Variants in USP38 observed in about 807,000 individuals in gnomAD.
The protein encoded by USP38 is ubiquitin specific peptidase 38.
USP38 carries 49 observed loss-of-function variants against 94.3 expected under a neutral mutation model. The observed-to-expected ratio is 0.52, with a 90% CI of 0.41 to 0.66. The LOEUF is 0.66. Among genes scored for constraint, USP38 ranks in the 30% least tolerant of loss-of-function variants. USP38 has a pLI of 0.00. For missense variants in USP38, 1,128 were observed against 1,229.4 expected (o/e 0.92, Z 1.23); for synonymous variants, 468 against 463.6 (o/e 1.01, Z -0.12).
At position 143,185,523 on chromosome 4, in the gene USP38, G is replaced by A. The variant is rs774711600; in HGVS notation, c.73G>A (p.Val25Met). ...CCTCAAGCGGGTGATTGTGCGGAAGGTGGTGGAATCGGCGGAGCACTGGCT... is the reference window on the plus strand; with the variant it reads ...CCTCAAGCGGGTGATTGTGCGGAAGATGGTGGAATCGGCGGAGCACTGGCT... ...LPLKRVIVRKVVESAEHWLDE... is the reference protein window; with the variant it reads ...LPLKRVIVRKMVESAEHWLDE... The change falls in exon 1 of 10, where the codon GTG (valine) becomes ATG (methionine). Residue 25 changes from valine (V) to methionine (M), a missense_variant. Coordinates refer to ENST00000307017, the MANE Select transcript of USP38 (RefSeq NM_032557.6). The A allele has an allele frequency of 6.2e-7, 1 of 1,613,272 alleles. No homozygotes were observed. Among genetic ancestry groups the A allele is most frequent in the Admixed American group, 1.7e-5 (1 of 59,960 alleles).
chr4:143,206,781 G>A (rs556518909), intron 6 of USP38, among the ~76,000 whole-genome samples: 87 of 152,304 alleles, frequency 5.7e-4, no homozygotes, highest in African/African-American at 2.0e-3. Context: ...GTTTAAGTGT[G>A]CTAGAGTACT....
Position 143,214,398 on chromosome 4 carries a change from T to C in USP38, c.2422T>C (p.Ser808Pro), listed in dbSNP as rs767533922. 6.2e-7 allele frequency: 1 copy of C among 1,613,804 alleles called. No homozygotes were observed. Among genetic ancestry groups the C allele is most frequent in the African/African-American group, 1.3e-5 (1 of 75,036 alleles). Residue 808 changes from serine to proline, a missense_variant, in exon 9 of 10, where the codon TCT becomes CCT. By Grantham distance (74) the Ser-to-Pro change is moderately conservative. Transcript: ENST00000307017. ...TTTCTCTTCATTGTCAGAAAGTTGGTCTGTAGATGTTGACTTCACTGATCT... is the reference window on the plus strand; with the variant it reads ...TTTCTCTTCATTGTCAGAAAGTTGGCCTGTAGATGTTGACTTCACTGATCT... ...TSFSSLSESW[S>P]VDVDFTDLSE...
At position 143,213,973 on chromosome 4, in the gene USP38, C is replaced by T. The variant is rs142925072; in HGVS notation, c.1997C>T (p.Ala666Val). 1 of 1,613,516 alleles carries T rather than the reference C, an allele frequency of 6.2e-7. No homozygotes were observed. The highest frequency in any genetic ancestry group is 1.3e-5 in the African/African-American group (1 of 74,890). ...GTAGTTTATAATCCAACAACAGCTG[C>T]CTTCATCTGTGACTCACTTGTGAAT... ...EPVVYNPTTAAFICDSLVNEK... is the reference protein window; with the variant it reads ...EPVVYNPTTAVFICDSLVNEK... Residue 666 changes from alanine (A) to valine (V), a missense_variant, in exon 9 of 10, where the codon GCC (alanine) becomes GTC (valine). Ala to Val is a moderately conservative substitution (Grantham distance 64). Coordinates refer to ENST00000307017, the MANE Select transcript of USP38 (RefSeq NM_032557.6).
At chr4:143,189,584 A>G (rs969387806) in intron 2 of USP38, among the ~76,000 whole-genome samples, 4 of 152,006 alleles carry the variant, frequency 2.6e-5, no homozygotes, top group African/African-American at 9.7e-5. Context: ...TTCATTGTTT[A>G]AAAAGGTCTT....
chr4:143,203,328 G>C (rs560147899), intron 4 of USP38, 80 bp from the exon 5 acceptor site: 1 of 1,384,152 alleles, frequency 7.2e-7, no homozygotes, highest in Non-Finnish European at 9.9e-7. Context: ...ATCATATATC[G>C]TTTGTGTTCT....
chr4:143,193,440 G>C (rs1731458401), intron 2 of USP38, among the ~76,000 whole-genome samples: 1 of 152,166 alleles, frequency 6.6e-6, no homozygotes, highest in South Asian at 2.1e-4. Flanking sequence ...ACATATGCAA[G>C]TGTGTCTCTG....
At chr4:143,197,681 A>G in intron 3 of USP38, 142 bp from the exon 4 acceptor site, 1 of 586,564 alleles carries the variant, frequency 1.7e-6, no homozygotes, top group Non-Finnish European at 3.0e-6. Flanking sequence ...CCTTCTCCCA[A>G]AGTTTAATAA....
intron 2 of USP38, among the ~76,000 whole-genome samples, chr4:143,193,119 C>CGGTAT (rs1373599364): frequency 6.6e-6 from 1 of 152,022 alleles, no homozygotes; most frequent in Non-Finnish European, 1.5e-5. Flanking sequence ...TCACACATAC[C>CGGTAT]CTGCCTTTAG....
Position 143,220,110 on chromosome 4 carries a change from AGT to A in USP38, c.2968-182_2968-181del, listed in dbSNP as rs563635865. 1.9e-4 allele frequency among the ~76,000 whole-genome samples: 29 copies of A among 152,160 alleles called. No individual in the cohort carries two copies. In the East Asian group the frequency reaches 5.6e-3, roughly 29 times the overall value. ...GAATCTATTCCAGTATGTTTTAGAGAGTGTTGCAGGAACTGTAATATTTTCTT... is the reference window on the plus strand; with the variant it reads ...GAATCTATTCCAGTATGTTTTAGAGAGTTGCAGGAACTGTAATATTTTCTT... On this transcript the variant is annotated intron_variant, in intron 9 of 9. Transcript: ENST00000307017.
intron 5 of USP38, 47 bp from the exon 6 acceptor site, chr4:143,205,986 A>ATTT (rs1355525233): frequency 3.7e-6 from 5 of 1,357,264 alleles, no homozygotes; most frequent in Non-Finnish European, 4.9e-6. Context: ...CAACAAAAAT[A>ATTT]ATTTTTACTT....
At chr4:143,220,074 A>G (rs760998095) in intron 9 of USP38, among the ~76,000 whole-genome samples, 8 of 152,186 alleles carry the variant, frequency 5.3e-5, no homozygotes, top group Non-Finnish European at 5.9e-5. Flanking sequence ...TATGTTAAAT[A>G]TATTAGAAAA....
chr4:143,199,023 G>A (rs1731633682), intron 4 of USP38, among the ~76,000 whole-genome samples: 1 of 152,012 alleles, frequency 6.6e-6, no homozygotes, highest in Admixed American at 6.6e-5. Flanking sequence ...AAACATGAAA[G>A]TTTGTTACAT....
At chr4:143,208,483 C>T (rs1731932815) in intron 6 of USP38, among the ~76,000 whole-genome samples, 1 of 152,016 alleles carries the variant, frequency 6.6e-6, no homozygotes, top group African/African-American at 2.4e-5. Flanking sequence ...GTACCTAGAA[C>T]CTGTACCTTT....
chr4:143,213,616 C>A lies in USP38; in HGVS notation c.1640C>A (p.Ala547Asp), dbSNP rs778164520. 4.3e-6 allele frequency: 7 copies of A among 1,612,116 alleles called. No homozygotes were observed. The highest frequency in any genetic ancestry group is 1.1e-5 in the South Asian group (1 of 90,722). Residue 547 changes from alanine (A) to aspartate (D), a missense_variant, in exon 9 of 10, where the codon GCC becomes GAC. Ala to Asp is a moderately radical substitution (Grantham distance 126). Transcript: ENST00000307017. Reference sequence around the variant, plus strand: ...GAAGAAAAGATCTTGAAAGTTCAGGCCTCACACAAGCCTTCTGAAATTCTG... The same window carrying A: ...GAAGAAAAGATCTTGAAAGTTCAGGACTCACACAAGCCTTCTGAAATTCTG... ...HEEEKILKVQ[A>D]SHKPSEILEC... is the part of the protein sequence containing the mutation.
chr4:143,218,974 C>A (rs1355623882), intron 9 of USP38, among the ~76,000 whole-genome samples: 1 of 151,860 alleles, frequency 6.6e-6, no homozygotes, highest in Non-Finnish European at 1.5e-5. Flanking sequence ...ATTTATAATT[C>A]CTACGTTAAT....
At chr4:143,209,250 T>C (rs1731957108) in intron 6 of USP38, among the ~76,000 whole-genome samples, 2 of 152,176 alleles carry the variant, frequency 1.3e-5, no homozygotes, top group East Asian at 1.9e-4. Context: ...TACTGTTAGA[T>C]AGATAACTTC....
intron 4 of USP38, among the ~76,000 whole-genome samples, chr4:143,201,492 G>C (rs564424501): frequency 2.0e-5 from 3 of 152,260 alleles, no homozygotes; most frequent in African/African-American, 7.2e-5. Flanking sequence ...TGGGTAATGT[G>C]GTAGTTAAAT....
At chr4:143,198,115 T>G (rs1176245274) in intron 4 of USP38, among the ~76,000 whole-genome samples, 191 bp downstream of exon 4, 41 of 152,224 alleles carry the variant, frequency 2.7e-4, no homozygotes, top group Admixed American at 2.6e-3. Context: ...CGTGTCTCAT[T>G]CAAACTACTC....
intron 3 of USP38, among the ~76,000 whole-genome samples, chr4:143,196,303 C>T (rs1024432608): frequency 3.3e-5 from 5 of 151,856 alleles, no homozygotes; most frequent in African/African-American, 1.2e-4. Flanking sequence ...AAGACTGCGT[C>T]TCAAAAAAAA....
Sources: allele counts gnomAD v4.1 joint callset (sites outside exome capture counted in the v4.1 genomes callset), GRCh38; gene constraint gnomAD v4.1.1; transcripts MANE v1.5; gene names NCBI Gene and HGNC (gene_info 2026-07-23, HGNC 2026-07-21).